SLC16A9: variants seen among roughly 807,000 people sequenced by gnomAD.
SLC16A9 encodes the protein monocarboxylate transporter 9.
In SLC16A9, 26 loss-of-function variants were observed where a neutral mutation model predicts 44.3. That is an observed-to-expected ratio of 0.59 (90% CI 0.43 to 0.81). The LOEUF is 0.81. Among genes scored for constraint, SLC16A9 ranks in the 40% least tolerant of loss-of-function variants. The probability of loss-of-function intolerance (pLI) is 0.00; values close to 1 mark genes in which losing one functional copy is unlikely to be tolerated. For synonymous variants in SLC16A9, 230 were observed against 225.1 expected (o/e 1.02, Z -0.19); for missense variants, 559 against 595.8 (o/e 0.94, Z 0.64).
intron 1 of SLC16A9, among the ~76,000 whole-genome samples, chr10:59,693,699 A>C (rs946639550): frequency 6.6e-6 from 1 of 151,856 alleles, no homozygotes; most frequent in South Asian, 2.1e-4. Context: ...GGCTCACCGT[A>C]AGCTCCGCCT....
At chr10:59,707,346 GGGGAAGGGAA>G (rs1472653711) in intron 1 of SLC16A9, among the ~76,000 whole-genome samples, 1 of 130,544 alleles carries the variant, frequency 7.7e-6, no homozygotes, top group Non-Finnish European at 1.6e-5. Flanking sequence ...GGGGAAGGGA[GGGGAAGGGAA>G]GGGAAGGGAG....
At chr10:59,672,268 C>G (rs1440580388) in intron 3 of SLC16A9, among the ~76,000 whole-genome samples, 1 of 152,054 alleles carries the variant, frequency 6.6e-6, no homozygotes, top group African/African-American at 2.4e-5. Flanking sequence ...TGTCTTATCT[C>G]TAAAAAAAAT....
In SLC16A9 at chr10:59,653,506, C is replaced by T. The variant is rs149322840; in HGVS notation, c.1351+169G>A. 3.5e-3 allele frequency among the ~76,000 whole-genome samples: 520 copies of T among 149,532 alleles called. 3 individuals carry two copies. Among genetic ancestry groups the T allele is most frequent in the African/African-American group, 0.012 (496 of 40,760 alleles). ...ACACAAATCCCAGAGCATGCATATTCGCTTTCTCAATTATATCAAAGCAGT... is the reference window on the plus strand; with the variant it reads ...ACACAAATCCCAGAGCATGCATATTTGCTTTCTCAATTATATCAAAGCAGT... On this transcript the variant is annotated intron_variant, in intron 5 of 5. Coordinates refer to ENST00000395348, the MANE Select transcript of SLC16A9 (RefSeq NM_194298.3).
At chr10:59,657,272 A>T (rs1839369845) in intron 4 of SLC16A9, among the ~76,000 whole-genome samples, 1 of 152,240 alleles carries the variant, frequency 6.6e-6, no homozygotes, top group South Asian at 2.1e-4. Context: ...AACCAGCAGT[A>T]GGCCAGATTT....
At chr10:59,696,085 C>CCCCTCT (rs1297466214) in intron 1 of SLC16A9, among the ~76,000 whole-genome samples, 2 of 151,450 alleles carry the variant, frequency 1.3e-5, no homozygotes, top group African/African-American at 4.8e-5. Context: ...TCTCCCCTCT[C>CCCCTCT]CCCTCTCCCT....
At chr10:59,661,526 T>C (rs1232618851) in intron 4 of SLC16A9, among the ~76,000 whole-genome samples, 1 of 152,196 alleles carries the variant, frequency 6.6e-6, no homozygotes, top group Non-Finnish European at 1.5e-5. Flanking sequence ...AAACCTTCCA[T>C]GCTGATGCAT....
At chr10:59,655,018 G>A (rs1238434354) in intron 4 of SLC16A9, among the ~76,000 whole-genome samples, 1 of 152,198 alleles carries the variant, frequency 6.6e-6, no homozygotes, top group Non-Finnish European at 1.5e-5. Context: ...TCGGCTGGGT[G>A]TGGTGGCTCA....
At chr10:59,702,799 A>G (rs1423584708) in intron 1 of SLC16A9, among the ~76,000 whole-genome samples, 2 of 152,238 alleles carry the variant, frequency 1.3e-5, no homozygotes, top group African/African-American at 4.8e-5. Flanking sequence ...AAATTGCCAT[A>G]TTAACTTCTA....
At chr10:59,708,538 A>T (rs1355049609) in intron 1 of SLC16A9, 1 of 152,230 alleles carries the variant, frequency 6.6e-6, no homozygotes, top group Non-Finnish European at 1.5e-5. Flanking sequence ...TTAATTCAAG[A>T]TTTTTAAAAA....
intron 2 of SLC16A9, among the ~76,000 whole-genome samples, chr10:59,678,014 C>T (rs1009090669): frequency 6.6e-6 from 1 of 150,642 alleles, no homozygotes; most frequent in Non-Finnish European, 1.5e-5. Flanking sequence ...TTAGGTATAT[C>T]TCCCAATGCT....
At chr10:59,691,804 T>A (rs1840259108) in intron 1 of SLC16A9, among the ~76,000 whole-genome samples, 1 of 152,348 alleles carries the variant, frequency 6.6e-6, no homozygotes, top group African/African-American at 2.4e-5. Context: ...CTCTTTACAT[T>A]GGCTGAAAAT....
At chr10:59,677,674 G>T (rs1211512192) in intron 2 of SLC16A9, among the ~76,000 whole-genome samples, 3 of 152,114 alleles carry the variant, frequency 2.0e-5, no homozygotes, top group Non-Finnish European at 4.4e-5. Flanking sequence ...CAAGGCCACA[G>T]AACTAAGCCT....
intron 1 of SLC16A9, among the ~76,000 whole-genome samples, chr10:59,699,020 A>C (rs1029112956): frequency 6.6e-6 from 1 of 152,168 alleles, no homozygotes; most frequent in Non-Finnish European, 1.5e-5. Flanking sequence ...CTGGGATTAC[A>C]ACACTTTGTC....
intron 1 of SLC16A9, among the ~76,000 whole-genome samples, chr10:59,689,274 C>T (rs1014243557): frequency 6.6e-6 from 1 of 152,198 alleles, no homozygotes; most frequent in African/African-American, 2.4e-5. Flanking sequence ...AGGTGCCTCT[C>T]ACCAGCTGTT....
rs1330325652 is a variant in SLC16A9, at chr10:59,709,802, GCTGT to G, written c.-364_-361del. On this transcript the variant is annotated 5_prime_UTR_variant, in exon 1 of 6. Transcript: ENST00000395348. Reference sequence around the variant, plus strand: ...CCTTCTCCTCCCCGGGGTTTTCCCTGCTGTCTTTTTCTCCCTTGTCTCTCTTTGC... The same window carrying G: ...CCTTCTCCTCCCCGGGGTTTTCCCTGCTTTTTCTCCCTTGTCTCTCTTTGC... 1 of 152,814 alleles carries G rather than the reference GCTGT, an allele frequency of 6.5e-6. No homozygotes were observed. Among genetic ancestry groups the G allele is most frequent in the Non-Finnish European group, 1.5e-5 (1 of 68,568 alleles). 9.5% of individuals were successfully genotyped at this position (152,814 alleles called of 1,614,324 possible).
At chr10:59,658,125 G>A (rs914853191) in intron 4 of SLC16A9, among the ~76,000 whole-genome samples, 3 of 152,104 alleles carry the variant, frequency 2.0e-5, no homozygotes, top group African/African-American at 7.2e-5. Context: ...ACATTCCCTT[G>A]TATTGATTCT....
intron 1 of SLC16A9, among the ~76,000 whole-genome samples, chr10:59,700,478 T>C (rs1210300578): frequency 6.6e-6 from 1 of 152,194 alleles, no homozygotes; most frequent in African/African-American, 2.4e-5. Flanking sequence ...TAATTCAATG[T>C]GCATCAAAAA....
chr10:59,658,610 G>A (rs553304885), intron 4 of SLC16A9, among the ~76,000 whole-genome samples: 49 of 152,148 alleles, frequency 3.2e-4, no homozygotes, highest in Non-Finnish European at 5.9e-4. Context: ...TGTCCTTGAA[G>A]CTGCCATGCC....
rs371337386 is a variant in SLC16A9 at position 59,654,446 on chromosome 10, A to C, written c.580T>G (p.Ser194Ala). Residue 194 changes from serine (S) to alanine (A), a missense_variant, in exon 5 of 6, where the codon TCT becomes GCT. By Grantham distance (99) the Ser-to-Ala change is moderately conservative. Coordinates refer to ENST00000395348, the MANE Select transcript of SLC16A9 (RefSeq NM_194298.3). The stretch of plus-strand genomic sequence containing the variant: ...ATTTTTTTAGGCAAAGGACAATCAG[A>C]AGATTGGAGGGGTCTCATCAGACTG... ...CGSLMRPLQSSDCPLPKKIAP... is the reference protein window; with the variant it reads ...CGSLMRPLQSADCPLPKKIAP... 3.1e-6 allele frequency: 5 copies of C among 1,613,396 alleles called. No homozygotes were observed. In the African/African-American group the frequency reaches 5.3e-5, roughly 17 times the overall value.
Sources: allele counts gnomAD v4.1 joint callset (sites outside exome capture counted in the v4.1 genomes callset), GRCh38; gene constraint gnomAD v4.1.1; transcripts MANE v1.5; gene names NCBI Gene and HGNC (gene_info 2026-07-23, HGNC 2026-07-21).